The following ST6GALNAC3 variants were observed in gnomAD, a reference collection of about 807,000 sequenced individuals.
The protein encoded by ST6GALNAC3 is alpha-N-acetylgalactosaminide alpha-2,6-sialyltransferase 3.
Under a neutral mutation model 32.7 loss-of-function variants are expected in ST6GALNAC3, and 25 were observed. The ratio of observed to expected loss-of-function variants is 0.76; its 90% CI spans 0.56 to 1.07. The LOEUF is 1.07. Ranked by LOEUF, ST6GALNAC3 falls within the 50% of genes least tolerant of loss-of-function variation. The pLI is 0.00. For missense variants in ST6GALNAC3, 355 were observed against 382.4 expected (o/e 0.93, Z 0.60); for synonymous variants, 129 against 133.1 (o/e 0.97, Z 0.21).
At chr1:76,350,153 C>T (rs536020412) in intron 2 of ST6GALNAC3, among the ~76,000 whole-genome samples, 1 of 152,062 alleles carries the variant, frequency 6.6e-6, no homozygotes, top group East Asian at 1.9e-4. Context: ...AAGAGAAAAC[C>T]TAGCTCATTT....
intron 3 of ST6GALNAC3, among the ~76,000 whole-genome samples, chr1:76,538,754 A>T (rs1425471838): frequency 6.6e-6 from 1 of 152,100 alleles, no homozygotes; most frequent in Non-Finnish European, 1.5e-5. Flanking sequence ...TCATGAATGA[A>T]CTCCCATTCA....
chr1:76,551,259 G>A (rs1366723747), intron 3 of ST6GALNAC3, among the ~76,000 whole-genome samples: 1 of 152,054 alleles, frequency 6.6e-6, no homozygotes, highest in Non-Finnish European at 1.5e-5. Context: ...AGCTTATAGT[G>A]CTTCATGACA....
intron 2 of ST6GALNAC3, among the ~76,000 whole-genome samples, chr1:76,378,778 T>A (rs773938264): frequency 6.6e-6 from 1 of 152,172 alleles, no homozygotes; most frequent in Non-Finnish European, 1.5e-5. Flanking sequence ...ATTGTAACCA[T>A]GTAGAGAGCA....
At chr1:76,549,226 T>C (rs1352440449) in intron 3 of ST6GALNAC3, among the ~76,000 whole-genome samples, 2 of 152,170 alleles carry the variant, frequency 1.3e-5, no homozygotes, top group Non-Finnish European at 2.9e-5. Flanking sequence ...GTTGATACTG[T>C]TATATTTTAA....
intron 2 of ST6GALNAC3, among the ~76,000 whole-genome samples, chr1:76,339,666 A>C (rs115078635): frequency 0.017 from 2,516 of 152,256 alleles, 74 homozygotes; most frequent in African/African-American, 0.058. Flanking sequence ...TTATTCATTC[A>C]ACAATCATTT....
intron 1 of ST6GALNAC3, among the ~76,000 whole-genome samples, chr1:76,263,478 C>A (rs1658360402): frequency 6.6e-6 from 1 of 152,118 alleles, no homozygotes; most frequent in South Asian, 2.1e-4. Flanking sequence ...TACCCCAATT[C>A]TTGTGTTGAG....
chr1:76,278,339 A>G lies in ST6GALNAC3; in HGVS notation c.19-35466A>G, dbSNP rs548527787. On this transcript the variant is annotated intron_variant, in intron 1 of 4. Transcript: ENST00000328299. ...CGGGTTCACGCCATTCTCCTGCCTC[A>G]GCCTCCCGAGTAGCTGGGACTACAG... 1.4e-3 allele frequency among the ~76,000 whole-genome samples: 210 copies of G among 150,046 alleles called. 1 individual carries two copies. Among genetic ancestry groups the G allele is most frequent in the African/African-American group, 5.1e-3 (204 of 40,374 alleles).
At chr1:76,209,359 A>T (rs1655010919) in intron 1 of ST6GALNAC3, among the ~76,000 whole-genome samples, 1 of 152,166 alleles carries the variant, frequency 6.6e-6, no homozygotes, top group East Asian at 1.9e-4. Context: ...AGAGCATCTC[A>T]TATGGTTGTG....
intron 1 of ST6GALNAC3, among the ~76,000 whole-genome samples, chr1:76,134,131 AT>A (rs1188930248): frequency 3.3e-5 from 5 of 152,246 alleles, no homozygotes; most frequent in Admixed American, 6.5e-5. Context: ...TGGCTTCTAA[AT>A]TAGGGAATGT....
rs137930953 is a variant in ST6GALNAC3, at chr1:76,506,594, A to G, written c.623+94177A>G. On this transcript the variant is annotated intron_variant, in intron 3 of 4. Transcript: ENST00000328299. ...TGGTTCCATATTGGGGGATTTATCTAGGAATATATCGACATGCTTTTCTTT... is the reference window on the plus strand; with the variant it reads ...TGGTTCCATATTGGGGGATTTATCTGGGAATATATCGACATGCTTTTCTTT... 6.8e-3 allele frequency among the ~76,000 whole-genome samples: 1,032 copies of G among 152,348 alleles called. 10 individuals are homozygous for G. The highest frequency in any genetic ancestry group is 0.018 in the South Asian group (88 of 4,832).
intron 3 of ST6GALNAC3, among the ~76,000 whole-genome samples, chr1:76,491,718 G>A (rs905335279): frequency 3.3e-5 from 5 of 152,186 alleles, no homozygotes; most frequent in African/African-American, 9.7e-5. Flanking sequence ...AAATTTCCAA[G>A]AGATTTTGTC....
At chr1:76,154,016 C>T (rs1349832682) in intron 1 of ST6GALNAC3, among the ~76,000 whole-genome samples, 1 of 152,126 alleles carries the variant, frequency 6.6e-6, no homozygotes, top group African/African-American at 2.4e-5. Context: ...GTCGGGAGGG[C>T]TTTTTCCGTG....
At chr1:76,260,973 TAC>T (rs59946768) in intron 1 of ST6GALNAC3, among the ~76,000 whole-genome samples, 29,059 of 146,076 alleles carry the variant, frequency 0.2, 3,104 homozygotes, top group African/African-American at 0.3. Context: ...GAGGTTTTGA[TAC>T]ACACACACAC....
chr1:76,214,216 G>A (rs1655332733), intron 1 of ST6GALNAC3, among the ~76,000 whole-genome samples: 1 of 151,982 alleles, frequency 6.6e-6, no homozygotes, highest in Admixed American at 6.6e-5. Flanking sequence ...AGTCACACTA[G>A]CCACATTTCA....
At chr1:76,609,362 GT>G (rs2100660676) in intron 3 of ST6GALNAC3, among the ~76,000 whole-genome samples, 1 of 152,138 alleles carries the variant, frequency 6.6e-6, no homozygotes, top group African/African-American at 2.4e-5. Flanking sequence ...ACAATTACTT[GT>G]GATGCCAGCC....
At chr1:76,571,440 A>G (rs1665854254) in intron 3 of ST6GALNAC3, among the ~76,000 whole-genome samples, 1 of 151,930 alleles carries the variant, frequency 6.6e-6, no homozygotes, top group Admixed American at 6.6e-5. Context: ...CAGTTGAAAT[A>G]TTTTCACAGC....
chr1:76,597,434 C>G (rs748331058), intron 3 of ST6GALNAC3, among the ~76,000 whole-genome samples: 1 of 152,016 alleles, frequency 6.6e-6, no homozygotes, highest in Non-Finnish European at 1.5e-5. Flanking sequence ...GATCTGAATG[C>G]CTGTGCCCCC....
intron 3 of ST6GALNAC3, among the ~76,000 whole-genome samples, chr1:76,623,566 C>T (rs752320147): frequency 4.0e-5 from 6 of 151,844 alleles, no homozygotes; most frequent in East Asian, 1.9e-4. Flanking sequence ...GTTAGTGCTG[C>T]GTGCATGAGT....
intron 1 of ST6GALNAC3, among the ~76,000 whole-genome samples, chr1:76,193,130 A>G (rs780152969): frequency 5.3e-5 from 8 of 152,154 alleles, no homozygotes; most frequent in Non-Finnish European, 1.0e-4. Context: ...AATATCTAAT[A>G]ATAAAAGTAG....
Sources: gnomAD v4.1 joint callset for allele counts (sites outside exome capture counted in the v4.1 genomes callset) on GRCh38, gnomAD v4.1.1 for gene constraint, MANE v1.5 for transcripts, NCBI Gene and HGNC (gene_info 2026-07-23, HGNC 2026-07-21) for gene names.